The following TOM1L2 variants were observed in gnomAD, a reference collection of about 807,000 sequenced individuals.
TOM1L2 encodes the protein target of myb1 like 2 membrane trafficking protein, also known as TOM1-like protein 2.
Under a neutral mutation model 67.9 loss-of-function variants are expected in TOM1L2, and 31 were observed. That is an observed-to-expected ratio of 0.46 (90% CI 0.34 to 0.62). The LOEUF (loss-of-function observed/expected upper bound fraction) is 0.62, where lower values mean the gene tolerates loss of function less well. Ranked by LOEUF, TOM1L2 falls within the 20% of genes least tolerant of loss-of-function variation. TOM1L2 has a pLI of 0.01. For synonymous variants in TOM1L2, 256 were observed against 254.0 expected (o/e 1.01, Z -0.07); for missense variants, 606 against 663.5 (o/e 0.91, Z 0.95).
chr17:17,949,834 TTCTCTCTC>T lies in TOM1L2; in HGVS notation c.52+22420_52+22427del, dbSNP rs10553875. Among the ~76,000 whole-genome samples the T allele has an allele frequency of 1.3e-3, 200 of 151,774 alleles. 1 individual carries two copies. In the East Asian group the frequency reaches 0.018, roughly 14 times the overall value. ...GGGCAATGTTATAACACTGAATCTGTTCTCTCTCTCTATTTTTTATTTTTATTTTTTAA... is the reference window on the plus strand; with the variant it reads ...GGGCAATGTTATAACACTGAATCTGTTCTATTTTTTATTTTTATTTTTTAA... On this transcript the variant is annotated intron_variant, in intron 1 of 14. Coordinates refer to ENST00000379504, the MANE Select transcript of TOM1L2 (RefSeq NM_001082968.2).
chr17:17,888,075 T>C (rs959212553), intron 4 of TOM1L2, among the ~76,000 whole-genome samples: 1 of 152,212 alleles, frequency 6.6e-6, no homozygotes, highest in African/African-American at 2.4e-5. Flanking sequence ...AGAGCAGCAC[T>C]GAGGGTGGGG....
In TOM1L2 at chr17:17,897,495, G is replaced by T. The variant is rs1026232100; in HGVS notation, c.216+1101C>A. 3.3e-5 allele frequency among the ~76,000 whole-genome samples: 5 copies of T among 152,140 alleles called. No individual in the cohort carries two copies. In the East Asian group the frequency reaches 7.7e-4, roughly 23 times the overall value. The stretch of plus-strand genomic sequence containing the variant: ...GAAGTTGACCTGGTGACCTGTTACA[G>T]TTTCTATTTTAAGAACTCACTGTGG... On this transcript the variant is annotated intron_variant, in intron 3 of 14. Transcript: ENST00000379504.
At chr17:17,854,230 A>T (rs2036145698) in intron 12 of TOM1L2, among the ~76,000 whole-genome samples, 1 of 152,174 alleles carries the variant, frequency 6.6e-6, no homozygotes, top group South Asian at 2.1e-4. Context: ...CAGACTAAAC[A>T]TGTACACTGC....
At chr17:17,869,545 A>G in intron 7 of TOM1L2, 72 bp from the exon 8 acceptor site, 1 of 1,504,478 alleles carries the variant, frequency 6.6e-7, no homozygotes, top group Non-Finnish European at 8.8e-7. Context: ...CTTTGAAAAA[A>G]TTTGTACTGA....
chr17:17,928,023 G>C (rs2040167639), intron 1 of TOM1L2, among the ~76,000 whole-genome samples: 1 of 152,154 alleles, frequency 6.6e-6, no homozygotes, highest in African/African-American at 2.4e-5. Flanking sequence ...AAATAATCCA[G>C]GATAAAAGTG....
intron 1 of TOM1L2, among the ~76,000 whole-genome samples, chr17:17,919,337 C>A (rs906141074): frequency 1.1e-4 from 16 of 152,168 alleles, no homozygotes; most frequent in African/African-American, 3.9e-4. Flanking sequence ...CCTTGCACCC[C>A]CCTCCTCTCC....
At chr17:17,905,857 C>G (rs183168143) in intron 2 of TOM1L2, among the ~76,000 whole-genome samples, 1 of 152,258 alleles carries the variant, frequency 6.6e-6, no homozygotes, top group East Asian at 1.9e-4. Flanking sequence ...TCTGGTTCTA[C>G]ATGGCCCTGT....
chr17:17,900,971 A>T (rs897146903), intron 2 of TOM1L2, among the ~76,000 whole-genome samples: 5 of 152,222 alleles, frequency 3.3e-5, no homozygotes, highest in Admixed American at 2.6e-4. Flanking sequence ...GGAACAGGAA[A>T]ATAGGAAGAG....
chr17:17,884,882 C>A (rs1281153213), intron 4 of TOM1L2, 114 bp from the exon 5 acceptor site: 1 of 1,372,408 alleles, frequency 7.3e-7, no homozygotes, highest in Non-Finnish European at 1.0e-6. Context: ...CTTGCACATG[C>A]AAATTGCACT....
At chr17:17,877,526 C>A (rs1018909528) in intron 7 of TOM1L2, among the ~76,000 whole-genome samples, 8 of 152,138 alleles carry the variant, frequency 5.3e-5, no homozygotes, top group African/African-American at 1.7e-4. Context: ...GTGGCTCTGA[C>A]CCTTGGGAGA....
At chr17:17,884,909 T>G in intron 4 of TOM1L2, 141 bp from the exon 5 acceptor site, 2 of 1,091,862 alleles carry the variant, frequency 1.8e-6, no homozygotes, top group Non-Finnish European at 2.6e-6. Flanking sequence ...ACCTATTCTG[T>G]TCCTCTCCTT....
intron 10 of TOM1L2, among the ~76,000 whole-genome samples, chr17:17,864,151 G>A (rs1226641155): frequency 1.3e-5 from 2 of 148,384 alleles, no homozygotes; most frequent in Non-Finnish European, 3.0e-5. Context: ...TTACAGGCGT[G>A]AGCCACTATG....
chr17:17,939,177 T>C (rs576466470), intron 1 of TOM1L2, among the ~76,000 whole-genome samples: 11 of 152,372 alleles, frequency 7.2e-5, no homozygotes, highest in African/African-American at 2.6e-4. Context: ...CCCTCTCTAG[T>C]GTGACTTTCT....
chr17:17,894,184 A>G (rs1219485745), intron 3 of TOM1L2, among the ~76,000 whole-genome samples: 1 of 152,204 alleles, frequency 6.6e-6, no homozygotes, highest in Non-Finnish European at 1.5e-5. Flanking sequence ...GCATTAGCCA[A>G]TCGGACATGG....
chr17:17,875,087 T>C (rs1026701421), intron 7 of TOM1L2, among the ~76,000 whole-genome samples: 2 of 151,890 alleles, frequency 1.3e-5, no homozygotes, highest in Non-Finnish European at 2.9e-5. Flanking sequence ...TGAAACCCCA[T>C]CTCTACTAAA....
chr17:17,871,860 T>C, intron 7 of TOM1L2: 1 of 626,910 alleles, frequency 1.6e-6, no homozygotes, highest in South Asian at 7.0e-5. Context: ...AGTAAGCACT[T>C]ATAAACATAC....
intron 1 of TOM1L2, among the ~76,000 whole-genome samples, chr17:17,944,964 C>G (rs1214072597): frequency 6.6e-6 from 1 of 152,206 alleles, no homozygotes; most frequent in African/African-American, 2.4e-5. Flanking sequence ...CACCGTACTC[C>G]TGACATTGCA....
chr17:17,952,159 A>T (rs949589036), intron 1 of TOM1L2, among the ~76,000 whole-genome samples: 1 of 152,162 alleles, frequency 6.6e-6, no homozygotes, highest in Non-Finnish European at 1.5e-5. Context: ...AATGAGATAG[A>T]TCTAATTATG....
At chr17:17,858,417 TTTTC>T (rs2036369005) in intron 12 of TOM1L2, 1 of 152,342 alleles carries the variant, frequency 6.6e-6, no homozygotes, top group Non-Finnish European at 1.5e-5. Context: ...TAGAATGACT[TTTTC>T]TTTTTCTCTT....
Sources: gnomAD v4.1 joint callset for allele counts (sites outside exome capture counted in the v4.1 genomes callset) on GRCh38, gnomAD v4.1.1 for gene constraint, MANE v1.5 for transcripts, NCBI Gene and HGNC (gene_info 2026-07-23, HGNC 2026-07-21) for gene names.